The following RNF38 variants were observed in gnomAD, a reference collection of about 807,000 sequenced individuals.
The protein encoded by RNF38 is ring finger protein 38, also known as E3 ubiquitin-protein ligase RNF38.
A neutral mutation model predicts 67.2 loss-of-function variants in RNF38; 15 were observed. The observed-to-expected ratio is 0.22, with a 90% CI of 0.15 to 0.34. RNF38 has a LOEUF of 0.34. Ranked by LOEUF, RNF38 falls within the 10% of genes least tolerant of loss-of-function variation. RNF38 has a pLI of 1.00. For synonymous variants in RNF38, 220 were observed against 218.8 expected, an observed-to-expected ratio of 1.01 and a Z score of -0.05; for missense variants, 524 against 639.9, an observed-to-expected ratio of 0.82 and a Z score of 1.95.
At chr9:36,463,933 C>T (rs1232405467) in intron 1 of RNF38, among the ~76,000 whole-genome samples, 2 of 151,904 alleles carry the variant, frequency 1.3e-5, no homozygotes, top group East Asian at 1.9e-4. Flanking sequence ...TTTGGGAGGC[C>T]GAGGCGGGCG....
chr9:36,444,663 G>A lies in RNF38; in HGVS notation n.242-19980C>T, dbSNP rs77155355. 2.4e-3 allele frequency among the ~76,000 whole-genome samples: 368 copies of A among 152,216 alleles called. 1 individual carries two copies. Among genetic ancestry groups the A allele is most frequent in the African/African-American group, 8.5e-3 (354 of 41,524 alleles). On this transcript the variant is annotated intron_variant and non_coding_transcript_variant, in intron 1 of 3. Coordinates refer to the RNF38 transcript ENST00000488058. ...AAAAATACAAAAATTAGCCAGAAGT[G>A]GTGGTGCACACCTATAGTCCCAGCT... is the stretch of plus-strand genomic sequence containing the variant.
chr9:36,441,823 T>C lies in RNF38; in HGVS notation n.242-17140A>G, dbSNP rs77926330. Among the ~76,000 whole-genome samples, 673 of 152,296 alleles carry C rather than the reference T, an allele frequency of 4.4e-3. 1 individual carries two copies. Among genetic ancestry groups the C allele is most frequent in the African/African-American group, 0.014 (581 of 41,562 alleles). ...AAGTCCATCTAAATTAGCCTGGGAA[T>C]TGACCTTCTGTTCAAAGAAATCACA... is the stretch of plus-strand genomic sequence containing the variant. On this transcript the variant is annotated intron_variant and non_coding_transcript_variant, in intron 1 of 3. Coordinates refer to the RNF38 transcript ENST00000488058.
intron 1 of RNF38, among the ~76,000 whole-genome samples, chr9:36,432,885 CTATT>C (rs1838965525): frequency 1.3e-5 from 2 of 152,258 alleles, no homozygotes; most frequent in South Asian, 2.1e-4. Context: ...CTATTAATTA[CTATT>C]TATTATAACT....
chr9:36,473,844 G>A (rs1315576627), intron 1 of RNF38, among the ~76,000 whole-genome samples: 11 of 150,728 alleles, frequency 7.3e-5, no homozygotes, highest in African/African-American at 1.5e-4. Context: ...AAAATTAGCC[G>A]GGCGTGGTGG....
At position 36,457,227 on chromosome 9, in the gene RNF38, T is replaced by A. The variant is rs73648759; in HGVS notation, n.241+30081A>T. The stretch of plus-strand genomic sequence containing the variant: ...GCTTTCTTACCAAACACGAAGGCAC[T>A]GAATTAATAGGAATCAATCACATTT... On this transcript the variant is annotated intron_variant and non_coding_transcript_variant, in intron 1 of 3. Coordinates refer to the RNF38 transcript ENST00000488058. Among the ~76,000 whole-genome samples, 370 of 152,338 alleles carry A rather than the reference T, an allele frequency of 2.4e-3. 1 individual carries two copies. The highest frequency in any genetic ancestry group is 8.6e-3 in the African/African-American group (356 of 41,576).
At chr9:36,345,363 T>C (rs1833152212) in intron 9 of RNF38, among the ~76,000 whole-genome samples, 1 of 152,182 alleles carries the variant, frequency 6.6e-6, no homozygotes, top group Non-Finnish European at 1.5e-5. Context: ...GATGGTATCA[T>C]TTCATTTGTA....
Position 36,357,849 on chromosome 9 carries a change from T to G in RNF38, c.664A>C (p.Ser222Arg). The change falls in exon 5 of 12, where the codon AGT (serine) becomes CGT (arginine). Residue 222 changes from serine (S) to arginine (R), a missense_variant. By Grantham distance (110) the Ser-to-Arg change is moderately radical (BLOSUM62 -1). Around this residue, in one of 2 missense-constraint regions of RNF38, gnomAD observed 461 missense variants for 517.4 expected, o/e 0.89. Transcript: ENST00000259605. ...GAGCATCCTGGGACCTGCTGTGTAC[T>G]ACAAGCAGGGATGTGCTGGCCTGTG... ...LCTGQHIPAC[S>R]TQQVPGCSVV... is the part of the protein sequence containing the mutation. 6.2e-7 allele frequency: 1 copy of G among 1,613,496 alleles called. No individual in the cohort carries two copies. Among genetic ancestry groups the G allele is most frequent in the Non-Finnish European group, 8.5e-7 (1 of 1,179,452 alleles).
chr9:36,434,178 G>C (rs754458100), intron 1 of RNF38, among the ~76,000 whole-genome samples: 41 of 148,432 alleles, frequency 2.8e-4, no homozygotes, highest in Non-Finnish European at 5.1e-4. Flanking sequence ...GGAGATTACA[G>C]TGAGCTGAGA....
In RNF38 at chr9:36,336,448, A is replaced by AAAT. The variant is rs1435035795; in HGVS notation, c.*3301_*3303dup. Reference sequence around the variant, plus strand: ...ATTACCAACAACCCTCTCAACTCCAAAATTGGGCACAGGGATTAAAAATAA... The same window carrying AAAT: ...ATTACCAACAACCCTCTCAACTCCAAAATAATTGGGCACAGGGATTAAAAATAA... On this transcript the variant is annotated 3_prime_UTR_variant, in exon 12 of 12. Coordinates refer to ENST00000259605, the MANE Select transcript of RNF38 (RefSeq NM_022781.5). 1 of 152,326 alleles carries AAAT rather than the reference A, an allele frequency of 6.6e-6. No individual in the cohort carries two copies. Among genetic ancestry groups the AAAT allele is most frequent in the African/African-American group, 2.4e-5 (1 of 41,364 alleles). 9.4% of individuals were successfully genotyped at this position (152,326 alleles called of 1,614,324 possible).
chr9:36,339,409 TACC>T lies in RNF38; in HGVS notation c.*340_*342del. On this transcript the variant is annotated 3_prime_UTR_variant, in exon 12 of 12. Transcript: ENST00000259605. ...GGTAGATTGCTATATCATCTGTAGC[TACC>T]ACTTTTTATAAAAGCACATGCTAAA... 3.7e-6 allele frequency: 1 copy of T among 271,936 alleles called. No individual in the cohort carries two copies. The highest frequency in any genetic ancestry group is 7.2e-6 in the Non-Finnish European group (1 of 138,930). The allele number at this position is 271,936 out of a possible 1,614,324, so 16.8% of individuals were successfully genotyped here.
At chr9:36,364,849 C>T (rs1401049201) in intron 4 of RNF38, among the ~76,000 whole-genome samples, 2 of 152,168 alleles carry the variant, frequency 1.3e-5, no homozygotes, top group Non-Finnish European at 2.9e-5. Context: ...TAACAAATAT[C>T]TAGGTGATGC....
chr9:36,372,659 G>A, intron 3 of RNF38: 1 of 589,656 alleles, frequency 1.7e-6, no homozygotes, highest in African/African-American at 1.9e-5. Flanking sequence ...AACACTAGGA[G>A]AGCCAGTTTT....
At chr9:36,372,404 G>A (rs1835455666) in intron 3 of RNF38, 4 of 591,626 alleles carry the variant, frequency 6.8e-6, no homozygotes, top group Non-Finnish European at 1.2e-5. Flanking sequence ...TAATGGCCCT[G>A]TTTATTCACA....
chr9:36,434,329 A>AAGG (rs1368145299), intron 1 of RNF38, among the ~76,000 whole-genome samples: 2 of 47,356 alleles, frequency 4.2e-5, no homozygotes, highest in Non-Finnish European at 8.0e-5. Flanking sequence ...GGGATGGGGG[A>AAGG]AGGAGGAGGG....
upstream of RNF38, among the ~76,000 whole-genome samples, chr9:36,405,890 T>TA (rs1838166253): frequency 1.3e-5 from 2 of 152,222 alleles, no homozygotes; most frequent in African/African-American, 4.8e-5. Context: ...TGCTAGTTAA[T>TA]AGTCTGTCAA....
chr9:36,373,004 G>C (rs917211616), intron 3 of RNF38, among the ~76,000 whole-genome samples: 2 of 152,264 alleles, frequency 1.3e-5, no homozygotes, highest in Admixed American at 1.3e-4. Flanking sequence ...TCAGGAGTTT[G>C]AGACCAGCCT....
intron 2 of RNF38, among the ~76,000 whole-genome samples, chr9:36,419,532 A>G (rs954779): frequency 0.74 from 112,677 of 152,132 alleles, 41,794 homozygotes; most frequent in African/African-American, 0.75. Flanking sequence ...CTCAACTGAG[A>G]GAATAGTCTT....
In RNF38 at chr9:36,420,604, C is replaced by T. The variant is rs566505301; in HGVS notation, n.312+4009G>A. Among the ~76,000 whole-genome samples, 6 of 151,000 alleles carry T rather than the reference C, an allele frequency of 4.0e-5. No homozygotes were observed. The East Asian group carries it at 7.8e-4, about 20-fold the overall frequency. ...CCCTTCCCTGCTTTCTTATTCTTCA[C>T]AACACAAATAATCAGTTAACAATAT... On this transcript the variant is annotated intron_variant and non_coding_transcript_variant, in intron 2 of 3. Transcript: ENST00000488058.
At position 36,446,810 on chromosome 9, in the gene RNF38, GAAAAAAA is replaced by G. The variant is rs60691553; in HGVS notation, n.242-22134_242-22128del. 3.5e-3 allele frequency among the ~76,000 whole-genome samples: 100 copies of G among 28,208 alleles called. 1 individual carries two copies. The highest frequency in any genetic ancestry group is 6.0e-3 in the East Asian group (5 of 828). 18.5% of individuals were successfully genotyped at this position (28,208 alleles called of 152,430 possible). ...GCGACAGAGTGAGACTCCGCCTCAA[GAAAAAAA>G]AAAAAAAAAAAAAAAAAAAAAAGTC... On this transcript the variant is annotated intron_variant and non_coding_transcript_variant, in intron 1 of 3. Transcript: ENST00000488058.
Sources: allele counts gnomAD v4.1 joint callset (sites outside exome capture counted in the v4.1 genomes callset), GRCh38; gene constraint gnomAD v4.1.1; regional missense constraint gnomAD v4.1.1; transcripts MANE v1.5; gene names NCBI Gene and HGNC (gene_info 2026-07-23, HGNC 2026-07-21).